Variants in LINGO2 observed in about 807,000 individuals in gnomAD.
LINGO2 encodes leucine-rich repeat and immunoglobulin-like domain-containing nogo receptor-interacting protein 2.
In LINGO2, 14 loss-of-function variants were observed where a neutral mutation model predicts 30.6. The ratio of observed to expected loss-of-function variants is 0.46; its 90% confidence interval spans 0.30 to 0.72. The LOEUF (loss-of-function observed/expected upper bound fraction) is 0.72. Among genes scored for constraint, LINGO2 ranks in the 30% least tolerant of loss-of-function variants. The pLI is 0.07. For synonymous variants in LINGO2, 317 were observed against 288.5 expected (o/e 1.10, Z -1.00); for missense variants, 729 against 751.7 (o/e 0.97, Z 0.35).
intron 5 of LINGO2, among the ~76,000 whole-genome samples, chr9:28,002,757 C>A (rs983072744): frequency 3.3e-5 from 5 of 151,254 alleles, no homozygotes; most frequent in African/African-American, 9.8e-5. Context: ...CTAGCTAGGG[C>A]CACTGTCTGT....
the LINGO2 span, among the ~76,000 whole-genome samples, chr9:28,997,310 A>G: frequency 0.92 from 140,139 of 152,186 alleles, 64,618 homozygotes; most frequent in Non-Finnish European, 0.94. Context: ...ATGTGGAAAA[A>G]GTGAGTGGTA....
At chr9:28,591,258 T>G (rs989764124) in intron 1 of LINGO2, among the ~76,000 whole-genome samples, 1 of 151,926 alleles carries the variant, frequency 6.6e-6, no homozygotes, top group East Asian at 1.9e-4. Flanking sequence ...TGTATACATA[T>G]GTAACAAACC....
At chr9:28,072,264 G>A (rs904826339) in intron 4 of LINGO2, among the ~76,000 whole-genome samples, 10 of 152,150 alleles carry the variant, frequency 6.6e-5, no homozygotes, top group Non-Finnish European at 1.2e-4. Context: ...TGCATTCTGA[G>A]ACCTGTCCTC....
At chr9:28,318,648 G>A (rs1329089364) in intron 3 of LINGO2, among the ~76,000 whole-genome samples, 1 of 152,118 alleles carries the variant, frequency 6.6e-6, no homozygotes, top group African/African-American at 2.4e-5. Flanking sequence ...ATCAATTGTT[G>A]TATTGTCTAT....
chr9:29,061,952 T>C, the LINGO2 span, among the ~76,000 whole-genome samples: 1 of 152,078 alleles, frequency 6.6e-6, no homozygotes, highest in Admixed American at 6.6e-5. Context: ...ATACAGACTA[T>C]ATAAAAATAT....
chr9:29,167,481 T>C, the LINGO2 span, among the ~76,000 whole-genome samples: 12 of 152,242 alleles, frequency 7.9e-5, no homozygotes, highest in African/African-American at 2.9e-4. Context: ...GTGACAAGAT[T>C]GCTTTGGAAT....
chr9:28,432,237 T>G (rs4879244), intron 2 of LINGO2, among the ~76,000 whole-genome samples: 136,371 of 152,068 alleles, frequency 0.9, 61,422 homozygotes, highest in East Asian at 1. Flanking sequence ...CAATGACTAT[T>G]GGGGGAGATA....
At chr9:28,997,860 G>A in the LINGO2 span, among the ~76,000 whole-genome samples, 1 of 55,314 alleles carries the variant, frequency 1.8e-5, no homozygotes, top group Non-Finnish European at 4.3e-5. Context: ...AATAATAATA[G>A]TTATAATTCG....
Position 28,469,989 on chromosome 9 carries a change from C to A in LINGO2, c.-279+5951G>T, listed in dbSNP as rs78677536. Among the ~76,000 whole-genome samples the A allele has an allele frequency of 2.8e-3, 425 of 152,086 alleles. 7 individuals carry two copies. The East Asian group carries it at 0.029, about 10-fold the overall frequency. On this transcript the variant is annotated intron_variant, in intron 2 of 5. Coordinates refer to ENST00000379992, the Ensembl canonical transcript of LINGO2. Reference sequence around the variant, plus strand: ...TTATTTTCTACAGGATTTTAAAAAACAAATGTATAAAATAATTCTAAGTAT... The same window carrying A: ...TTATTTTCTACAGGATTTTAAAAAAAAAATGTATAAAATAATTCTAAGTAT...
chr9:28,833,756 C>T, the LINGO2 span, among the ~76,000 whole-genome samples: 3 of 152,078 alleles, frequency 2.0e-5, no homozygotes, highest in African/African-American at 7.2e-5. Context: ...TTAGCAACAG[C>T]ATATAAAAAG....
intron 4 of LINGO2, among the ~76,000 whole-genome samples, chr9:28,164,415 T>C (rs991220140): frequency 2.0e-5 from 3 of 152,214 alleles, no homozygotes; most frequent in African/African-American, 7.2e-5. Flanking sequence ...ATTTACTTTT[T>C]GTAAAGATGT....
At chr9:28,461,013 C>A (rs976338403) in intron 2 of LINGO2, among the ~76,000 whole-genome samples, 1 of 152,048 alleles carries the variant, frequency 6.6e-6, no homozygotes, top group Non-Finnish European at 1.5e-5. Flanking sequence ...TACAATATAA[C>A]CCTAAACACT....
chr9:29,124,935 C>A, the LINGO2 span, among the ~76,000 whole-genome samples: 1 of 152,144 alleles, frequency 6.6e-6, no homozygotes. Flanking sequence ...GATTATAAAT[C>A]ATTCTACTAT....
chr9:29,110,069 C>T, the LINGO2 span, among the ~76,000 whole-genome samples: 2 of 152,166 alleles, frequency 1.3e-5, no homozygotes, highest in African/African-American at 4.8e-5. Flanking sequence ...GATAAAACAA[C>T]AAGAAACAAT....
chr9:29,189,944 T>A, the LINGO2 span, among the ~76,000 whole-genome samples: 3 of 149,730 alleles, frequency 2.0e-5, no homozygotes, highest in African/African-American at 7.4e-5. Context: ...GAGGTTGCAG[T>A]GAGCCGAGAT....
the LINGO2 span, among the ~76,000 whole-genome samples, chr9:28,710,662 C>A: frequency 6.6e-6 from 1 of 152,100 alleles, no homozygotes; most frequent in African/African-American, 2.4e-5. Context: ...TTGAACTATA[C>A]ACCTTTCACA....
At chr9:28,681,456 C>T in the LINGO2 span, among the ~76,000 whole-genome samples, 1 of 152,054 alleles carries the variant, frequency 6.6e-6, no homozygotes, top group Non-Finnish European at 1.5e-5. Flanking sequence ...TATCAAGCTG[C>T]TCCTACTGTG....
the LINGO2 span, among the ~76,000 whole-genome samples, chr9:28,714,164 A>AAT: frequency 0.43 from 50,443 of 116,872 alleles, 12,967 homozygotes; most frequent in Middle Eastern, 0.58. Flanking sequence ...TGCCTCAAAT[A>AAT]ATATATATAT....
At chr9:28,682,074 A>T in the LINGO2 span, among the ~76,000 whole-genome samples, 3 of 152,234 alleles carry the variant, frequency 2.0e-5, no homozygotes, top group Admixed American at 2.0e-4. Context: ...TTTCACCCTT[A>T]GAGTTGCCAA....
Sources: allele counts gnomAD v4.1 joint callset (sites outside exome capture counted in the v4.1 genomes callset), GRCh38; gene constraint gnomAD v4.1.1; transcripts MANE v1.5; gene names NCBI Gene and HGNC (gene_info 2026-07-23, HGNC 2026-07-21).